ZMYM2: variants seen among roughly 807,000 people sequenced by gnomAD.
ZMYM2 encodes zinc finger MYM-type containing 2, also known as zinc finger MYM-type protein 2.
Under a neutral mutation model 162.8 loss-of-function variants are expected in ZMYM2, and 56 were observed. That is an observed-to-expected ratio of 0.34 (90% CI 0.28 to 0.43). ZMYM2 has a LOEUF of 0.43. Ranked by LOEUF, ZMYM2 falls within the 20% of genes least tolerant of loss-of-function variation. The pLI, the probability that ZMYM2 is intolerant of heterozygous loss-of-function variation, is 1.00. For missense variants in ZMYM2, 1,275 were observed against 1,621.8 expected (o/e 0.79, Z 3.67); for synonymous variants, 510 against 541.6 (o/e 0.94, Z 0.81).
chr13:19,999,365 A>G (rs1254690341), intron 3 of ZMYM2, among the ~76,000 whole-genome samples: 1 of 152,130 alleles, frequency 6.6e-6, no homozygotes, highest in Non-Finnish European at 1.5e-5. Context: ...TTCTCACAAT[A>G]TTTCAGGCCT....
At position 19,993,695 on chromosome 13, in the gene ZMYM2, G is replaced by A. The variant is rs746114588; in HGVS notation, c.623G>A (p.Arg208Gln). The change falls in exon 3 of 25, where the codon CGA becomes CAA. Residue 208 changes from arginine (R) to glutamine (Q), a missense_variant. Transcript: ENST00000610343. ...GGCCAATTAGAAAATACTGACGGGCGAGATATGAACTTAATGATTACACAT... is the reference window on the plus strand; with the variant it reads ...GGCCAATTAGAAAATACTGACGGGCAAGATATGAACTTAATGATTACACAT... Reference protein sequence around the residue: ...NDGQLENTDGRDMNLMITHVT... With the variant: ...NDGQLENTDGQDMNLMITHVT... 28 of 1,613,836 alleles carry A rather than the reference G, an allele frequency of 1.7e-5. No homozygotes were observed. Among genetic ancestry groups the A allele is most frequent in the African/African-American group, 2.7e-5 (2 of 74,924 alleles).
the ZMYM2 span, among the ~76,000 whole-genome samples, chr13:19,933,410 C>T: frequency 1.3e-5 from 2 of 152,048 alleles, no homozygotes; most frequent in Non-Finnish European, 2.9e-5. Context: ...AACTGTATGT[C>T]TTGTGTTTAT....
chr13:19,921,974 T>C, the ZMYM2 span, among the ~76,000 whole-genome samples: 1 of 151,958 alleles, frequency 6.6e-6, no homozygotes, highest in Non-Finnish European at 1.5e-5. Flanking sequence ...AGTGCAGTGG[T>C]GCGATCTCGG....
chr13:20,024,812 A>G (rs957960681), intron 7 of ZMYM2: 4 of 215,254 alleles, frequency 1.9e-5, no homozygotes, highest in Admixed American at 5.8e-5. Context: ...GCAGTTGACA[A>G]ATATTTTTGA....
At chr13:19,930,637 A>G in the ZMYM2 span, among the ~76,000 whole-genome samples, 1 of 150,628 alleles carries the variant, frequency 6.6e-6, no homozygotes, top group Non-Finnish European at 1.5e-5. Flanking sequence ...TCCCAGGTTC[A>G]AGAGATTCTC....
rs1163823270 is a variant in ZMYM2, at chr13:20,019,597, C to T, written c.1563C>T (p.Asp521=). Residue 521 remains aspartate (D), a synonymous_variant, in exon 7 of 25, where the codon GAC becomes GAT. Transcript: ENST00000610343. Reference sequence around the variant, plus strand: ...AGGAGGTTCGAGATCACATGCAGGACTCTTTCTTAATGCAGCCTGAGGTAA... The same window carrying T: ...AGGAGGTTCGAGATCACATGCAGGATTCTTTCTTAATGCAGCCTGAGGTAA... ...FLKEVRDHMQ[D]SFLMQPEKYG... 4 of 1,597,316 alleles carry T rather than the reference C, an allele frequency of 2.5e-6. No homozygotes were observed. In the East Asian group the frequency reaches 6.7e-5, roughly 27 times the overall value.
chr13:19,997,951 G>T (rs1158674454), intron 3 of ZMYM2, among the ~76,000 whole-genome samples: 3 of 152,042 alleles, frequency 2.0e-5, no homozygotes, highest in African/African-American at 7.2e-5. Context: ...GAATATTCTT[G>T]TGTATACATC....
Position 20,088,793 on chromosome 13 carries a change from C to T in ZMYM2, c.*2779C>T, listed in dbSNP as rs562475036. ...CTGACAGACTTTCCCTTTGTCCTTT[C>T]TAGTTATGACTTGGGAATGGGGTAA... is the stretch of plus-strand genomic sequence containing the variant. On this transcript the variant is annotated 3_prime_UTR_variant, in exon 25 of 25. Transcript: ENST00000610343. 5.1e-6 allele frequency: 1 copy of T among 194,494 alleles called. No homozygotes were observed. Among genetic ancestry groups the T allele is most frequent in the African/African-American group, 2.3e-5 (1 of 43,354 alleles). The allele number at this position is 194,494 out of a possible 1,614,324, so 12.0% of individuals were successfully genotyped here.
intron 2 of ZMYM2, among the ~76,000 whole-genome samples, chr13:19,977,672 A>G (rs1200451892): frequency 1.3e-5 from 2 of 149,734 alleles, no homozygotes; most frequent in Non-Finnish European, 3.0e-5. Flanking sequence ...TTGTATTCTT[A>G]GTAGAGACGG....
chr13:20,063,014 A>G, intron 18 of ZMYM2, 43 bp downstream of exon 18: 3 of 1,554,006 alleles, frequency 1.9e-6, no homozygotes, highest in Non-Finnish European at 2.6e-6. Flanking sequence ...TTATGGAGTC[A>G]ACTGTGGTTA....
At chr13:20,071,598 G>T (rs1326015731) in intron 21 of ZMYM2, among the ~76,000 whole-genome samples, 1 of 152,222 alleles carries the variant, frequency 6.6e-6, no homozygotes, top group South Asian at 2.1e-4. Flanking sequence ...TGCTTGGCCC[G>T]TGGCCAGTCC....
rs1056183004 is a variant in ZMYM2, at chr13:20,088,097, A to G, written c.*2083A>G. On this transcript the variant is annotated 3_prime_UTR_variant, in exon 25 of 25. Transcript: ENST00000610343. ...CTATTTACAGTTTCTTCATTTGTAT[A>G]TTTTTAGCTTTTCTAAGTGGAAATG... 10 of 199,832 alleles carry G rather than the reference A, an allele frequency of 5.0e-5. No homozygotes were observed. Among genetic ancestry groups the G allele is most frequent in the Admixed American group, 3.6e-4 (6 of 16,670 alleles). 12.4% of individuals were successfully genotyped at this position (199,832 alleles called of 1,614,324 possible).
the ZMYM2 span, among the ~76,000 whole-genome samples, chr13:19,884,094 G>A: frequency 1.1e-4 from 16 of 152,126 alleles, no homozygotes; most frequent in African/African-American, 3.9e-4. Context: ...GTTTCTGCAG[G>A]GTAAACTGGC....
intron 12 of ZMYM2, among the ~76,000 whole-genome samples, chr13:20,046,623 A>G (rs867492063): frequency 3.5e-5 from 5 of 143,252 alleles, no homozygotes; most frequent in Admixed American, 2.1e-4. Flanking sequence ...ATATGTGTAT[A>G]TATATGTGTA....
chr13:19,958,233 G>C (rs886838004), upstream of ZMYM2, among the ~76,000 whole-genome samples: 1 of 152,210 alleles, frequency 6.6e-6, no homozygotes, highest in Non-Finnish European at 1.5e-5. Context: ...GGGCCTTCAA[G>C]CAACTGGACA....
At chr13:19,891,305 C>G in the ZMYM2 span, among the ~76,000 whole-genome samples, 1 of 151,936 alleles carries the variant, frequency 6.6e-6, no homozygotes, top group South Asian at 2.1e-4. Context: ...CTGTAAACCA[C>G]GAAGAATGGC....
Position 19,993,308 on chromosome 13 carries a change from A to G in ZMYM2, c.236A>G (p.Gln79Arg). ...CCTTCTGTACCAGTGGTAGCTGATC[A>G]AAGAACCATAACATTTACATCATCA... The part of the protein sequence containing the change: ...PPPSVPVVAD[Q>R]RTITFTSSKN... Residue 79 changes from glutamine (Q) to arginine (R), a missense_variant, in exon 3 of 25, where the codon CAA (glutamine) becomes CGA (arginine). By Grantham distance (43) the Gln-to-Arg change is conservative. This residue lies in a region of ZMYM2 where 295 missense variants were observed against 286.7 expected (regional missense o/e 1.03). Coordinates refer to ENST00000610343, the MANE Select transcript of ZMYM2 (RefSeq NM_197968.4). 6.2e-7 allele frequency: 1 copy of G among 1,614,000 alleles called. No homozygotes were observed. The highest frequency in any genetic ancestry group is 8.5e-7 in the Non-Finnish European group (1 of 1,179,880).
chr13:19,976,354 A>AAG (rs1956791719), intron 2 of ZMYM2, among the ~76,000 whole-genome samples: 2 of 151,740 alleles, frequency 1.3e-5, no homozygotes, highest in South Asian at 4.1e-4. Flanking sequence ...GAAAGAAAGA[A>AAG]AGAAAAATAG....
intron 22 of ZMYM2, among the ~76,000 whole-genome samples, 194 bp from the exon 23 acceptor site, chr13:20,082,587 A>G (rs781424114): frequency 6.6e-5 from 10 of 152,192 alleles, no homozygotes; most frequent in Non-Finnish European, 1.2e-4. Context: ...CCCTTATTCC[A>G]TAGATAATAG....
Sources: allele counts gnomAD v4.1 joint callset (sites outside exome capture counted in the v4.1 genomes callset), GRCh38; gene constraint gnomAD v4.1.1; regional missense constraint gnomAD v4.1.1; transcripts MANE v1.5; gene names NCBI Gene and HGNC (gene_info 2026-07-23, HGNC 2026-07-21).